BMAL2: variants seen among roughly 807,000 people sequenced by gnomAD.
BMAL2 encodes basic helix-loop-helix ARNT like 2.
chr12:27,405,188 CA>C, the BMAL2 span, among the ~76,000 whole-genome samples: 1 of 152,208 alleles, frequency 6.6e-6, no homozygotes, highest in Non-Finnish European at 1.5e-5. Context: ...CATAGCCAAA[CA>C]AAAGGCAGCA....
the BMAL2 span, among the ~76,000 whole-genome samples, chr12:27,408,019 T>TA: frequency 6.7e-6 from 1 of 150,316 alleles, no homozygotes; most frequent in Non-Finnish European, 1.5e-5. Flanking sequence ...TCCTGACACA[T>TA]ACAGCCTCCC....
chr12:27,370,430 CTA>C, the BMAL2 span, among the ~76,000 whole-genome samples: 1 of 152,116 alleles, frequency 6.6e-6, no homozygotes, highest in Non-Finnish European at 1.5e-5. Flanking sequence ...GTGGTGCTGA[CTA>C]TATAGTGTCT....
At chr12:27,333,803 A>AT in the BMAL2 span, among the ~76,000 whole-genome samples, 1 of 152,210 alleles carries the variant, frequency 6.6e-6, no homozygotes, top group African/African-American at 2.4e-5. Flanking sequence ...TTTCTGTGGT[A>AT]TTTTTGTGAA....
At chr12:27,386,846 G>A in the BMAL2 span, among the ~76,000 whole-genome samples, 1 of 152,028 alleles carries the variant, frequency 6.6e-6, no homozygotes. Context: ...GCCCAGGCTG[G>A]TCTCAAACTC....
At chr12:27,357,767 A>G in the BMAL2 span, among the ~76,000 whole-genome samples, 4 of 152,194 alleles carry the variant, frequency 2.6e-5, no homozygotes, top group African/African-American at 4.8e-5. Flanking sequence ...TGGGGAAAGG[A>G]CACCCTTTTA....
the BMAL2 span, among the ~76,000 whole-genome samples, chr12:27,410,415 A>G: frequency 2.0e-5 from 3 of 152,262 alleles, no homozygotes; most frequent in Admixed American, 6.5e-5. Flanking sequence ...CTGTGCAGCC[A>G]TAAAAAATGA....
chr12:27,399,843 T>G, the BMAL2 span, among the ~76,000 whole-genome samples: 1 of 152,224 alleles, frequency 6.6e-6, no homozygotes, highest in Non-Finnish European at 1.5e-5. Flanking sequence ...ATTGGATTTA[T>G]TTTTTGCTTA....
the BMAL2 span, chr12:27,418,224 AT>A: frequency 6.6e-7 from 1 of 1,504,184 alleles, no homozygotes; most frequent in Admixed American, 1.8e-5. Context: ...ACTGCTGACC[AT>A]TTTCGTTTAT....
the BMAL2 span, among the ~76,000 whole-genome samples, chr12:27,365,193 C>T: frequency 1.3e-5 from 2 of 151,998 alleles, no homozygotes; most frequent in Non-Finnish European, 2.9e-5. Context: ...TTAAAAAGAA[C>T]ACTTTCAATA....
the BMAL2 span, among the ~76,000 whole-genome samples, chr12:27,341,823 A>G: frequency 2.6e-5 from 4 of 152,244 alleles, no homozygotes; most frequent in Non-Finnish European, 4.4e-5. Context: ...TTTTTAAACA[A>G]TAAGAAATCC....
chr12:27,381,214 G>T, the BMAL2 span, among the ~76,000 whole-genome samples: 1 of 152,098 alleles, frequency 6.6e-6, no homozygotes, highest in Non-Finnish European at 1.5e-5. Context: ...ATCATTTCTG[G>T]CTTTAGCAAT....
chr12:27,368,297 C>T, the BMAL2 span: 1 of 1,614,070 alleles, frequency 6.2e-7, no homozygotes, highest in African/African-American at 1.3e-5. Flanking sequence ...GTGCATTGCT[C>T]CTGTGGTTTC....
chr12:27,378,180 C>T, the BMAL2 span, among the ~76,000 whole-genome samples: 1 of 152,284 alleles, frequency 6.6e-6, no homozygotes, highest in South Asian at 2.1e-4. Flanking sequence ...CTTTTCTCCT[C>T]TACGTTTTAT....
chr12:27,360,813 A>AAAAAAAAAAAAAAAAAAAG, the BMAL2 span, among the ~76,000 whole-genome samples: 1 of 148,932 alleles, frequency 6.7e-6, no homozygotes, highest in Non-Finnish European at 1.5e-5. Context: ...CAAAAAAAAA[A>AAAAAAAAAAAAAAAAAAAG]AAAAAAAAAA....
chr12:27,406,244 G>A, the BMAL2 span, among the ~76,000 whole-genome samples: 4 of 152,018 alleles, frequency 2.6e-5, no homozygotes, highest in Non-Finnish European at 4.4e-5. Flanking sequence ...TACAGAGAAC[G>A]CCACAAAGAT....
chr12:27,405,000 G>T, the BMAL2 span, among the ~76,000 whole-genome samples: 7 of 152,136 alleles, frequency 4.6e-5, no homozygotes, highest in Non-Finnish European at 8.8e-5. Context: ...CTCGCTCATT[G>T]CTAGCACAGC....
At chr12:27,420,680 C>A in the BMAL2 span, 13 of 941,104 alleles carry the variant, frequency 1.4e-5, no homozygotes, top group South Asian at 3.3e-4. Context: ...ATCTTCCTGT[C>A]ACAGGGATGT....
At chr12:27,385,361 A>C in the BMAL2 span, 1 of 568,660 alleles carries the variant, frequency 1.8e-6, no homozygotes, top group Non-Finnish European at 3.1e-6. Flanking sequence ...AAATGATTAC[A>C]GAAAATGTCT....
At chr12:27,405,443 T>C in the BMAL2 span, among the ~76,000 whole-genome samples, 19 of 152,308 alleles carry the variant, frequency 1.2e-4, no homozygotes, top group African/African-American at 4.3e-4. Flanking sequence ...TGTTCACCAA[T>C]ATCCGCTGTT....
Sources: allele counts gnomAD v4.1 joint callset (sites outside exome capture counted in the v4.1 genomes callset), GRCh38; gene constraint gnomAD v4.1.1; transcripts MANE v1.5; gene names NCBI Gene and HGNC (gene_info 2026-07-23, HGNC 2026-07-21).